Variants in ANO4 observed in about 807,000 individuals in gnomAD.
The protein encoded by ANO4 is anoctamin 4.
ANO4 carries 69 observed loss-of-function variants against 141.9 expected under a neutral mutation model. That is an observed-to-expected ratio of 0.49 (90% CI 0.40 to 0.59). The LOEUF is 0.59. ANO4 is among the 20% of genes least tolerant of loss of function. The pLI, the probability that ANO4 is intolerant of heterozygous loss-of-function variation, is 0.00. For missense variants in ANO4, 894 were observed against 1,162.2 expected (o/e 0.77, Z 3.36); for synonymous variants, 350 against 394.3 (o/e 0.89, Z 1.33).
intron 7 of ANO4, among the ~76,000 whole-genome samples, chr12:100,979,895 C>CTTTTTTTTTTT (rs71091474): frequency 8.4e-6 from 1 of 119,420 alleles, no homozygotes; most frequent in African/African-American, 3.1e-5. Context: ...GCCCAGCTGA[C>CTTTTTTTTTTT]TTTTTTTTTT....
chr12:100,738,548 A>G (rs2031707660), intron 2 of ANO4, among the ~76,000 whole-genome samples: 1 of 152,200 alleles, frequency 6.6e-6, no homozygotes. Context: ...TAAATTAGCT[A>G]TAATTTTATA....
At chr12:101,060,760 C>T (rs958466664) in intron 14 of ANO4, among the ~76,000 whole-genome samples, 5 of 151,910 alleles carry the variant, frequency 3.3e-5, no homozygotes, top group African/African-American at 4.8e-5. Flanking sequence ...TTATTTTGAG[C>T]GCATGTATGT....
intron 19 of ANO4, among the ~76,000 whole-genome samples, chr12:101,097,040 G>T (rs969835560): frequency 1.3e-5 from 2 of 152,078 alleles, no homozygotes; most frequent in Admixed American, 1.3e-4. Context: ...AGGACATCCT[G>T]ACAGGAAAGG....
At chr12:101,074,766 G>A (rs2048958299) in intron 14 of ANO4, among the ~76,000 whole-genome samples, 1 of 152,174 alleles carries the variant, frequency 6.6e-6, no homozygotes, top group Non-Finnish European at 1.5e-5. Flanking sequence ...AGAAAGTGTA[G>A]CTGCATATTC....
At chr12:101,055,230 T>C (rs1336349301) in intron 14 of ANO4, among the ~76,000 whole-genome samples, 2 of 152,234 alleles carry the variant, frequency 1.3e-5, no homozygotes, top group South Asian at 2.1e-4. Context: ...ATGTGATAAG[T>C]GAATGCCTAA....
intron 5 of ANO4, among the ~76,000 whole-genome samples, chr12:100,945,601 A>G (rs76867833): frequency 0.039 from 5,886 of 152,188 alleles, 160 homozygotes; most frequent in Non-Finnish European, 0.056. Context: ...TGATCTTTGG[A>G]TACCTATTTT....
At chr12:101,088,158 T>C (rs2049585026) in intron 17 of ANO4, among the ~76,000 whole-genome samples, 1 of 152,176 alleles carries the variant, frequency 6.6e-6, no homozygotes, top group Non-Finnish European at 1.5e-5. Flanking sequence ...TTTCTTTTAC[T>C]CACTGTGATT....
chr12:100,769,607 A>C (rs188395579), intron 3 of ANO4, among the ~76,000 whole-genome samples: 1 of 152,244 alleles, frequency 6.6e-6, no homozygotes, highest in African/African-American at 2.4e-5. Flanking sequence ...TTATTACAGA[A>C]GGGCAGGTCA....
intron 1 of ANO4, among the ~76,000 whole-genome samples, chr12:100,809,120 G>T (rs1242406978): frequency 6.6e-6 from 1 of 152,106 alleles, no homozygotes; most frequent in Non-Finnish European, 1.5e-5. Flanking sequence ...ATAATATAAG[G>T]TAATGTGCTT....
rs900020451 is a variant in ANO4 at position 101,086,640 on chromosome 12, G to A, written c.1537-20G>A. 2.5e-6 allele frequency: 4 copies of A among 1,612,756 alleles called. No individual in the cohort carries two copies. The highest frequency in any genetic ancestry group is 3.4e-6 in the Non-Finnish European group (4 of 1,179,548). ...AACATTCCACCAAGAGGTTCACCGG[G>A]TGTCTTGTCTTCCTGCCAGATCTGC... is the stretch of plus-strand genomic sequence containing the variant. On this transcript the variant is annotated intron_variant, in intron 16 of 27. Transcript: ENST00000392977.
chr12:100,918,533 A>G (rs894562069), intron 2 of ANO4, among the ~76,000 whole-genome samples: 3 of 152,146 alleles, frequency 2.0e-5, no homozygotes, highest in African/African-American at 7.2e-5. Context: ...GTGATGGACC[A>G]CATAAACCAT....
chr12:101,073,234 A>G (rs531604888), intron 14 of ANO4, among the ~76,000 whole-genome samples: 1 of 152,306 alleles, frequency 6.6e-6, no homozygotes, highest in African/African-American at 2.4e-5. Flanking sequence ...ATGGCATACT[A>G]TGCAGCCATA....
intron 3 of ANO4, among the ~76,000 whole-genome samples, chr12:100,772,025 G>A (rs1012789079): frequency 1.3e-5 from 2 of 152,168 alleles, no homozygotes; most frequent in African/African-American, 2.4e-5. Flanking sequence ...GACCTTCAGT[G>A]GGAAACTGAC....
At chr12:101,054,555 A>G (rs753380940) in intron 14 of ANO4, among the ~76,000 whole-genome samples, 34 of 152,228 alleles carry the variant, frequency 2.2e-4, no homozygotes, top group Non-Finnish European at 4.4e-4. Context: ...GCTGGAGTGC[A>G]GTGGCACAAT....
intron 1 of ANO4, among the ~76,000 whole-genome samples, chr12:100,822,553 C>T (rs2036111985): frequency 6.6e-6 from 1 of 151,692 alleles, no homozygotes; most frequent in Non-Finnish European, 1.5e-5. Context: ...ACGCACAGGG[C>T]GAGACAGAAA....
chr12:101,072,068 G>T (rs538530122), intron 14 of ANO4, among the ~76,000 whole-genome samples: 1 of 152,124 alleles, frequency 6.6e-6, no homozygotes, highest in African/African-American at 2.4e-5. Context: ...AGTAAAGTTA[G>T]CTGCTATAAT....
chr12:100,980,978 T>C (rs949542139), intron 7 of ANO4, among the ~76,000 whole-genome samples: 17 of 152,138 alleles, frequency 1.1e-4, no homozygotes, highest in Non-Finnish European at 2.1e-4. Context: ...TATGGGTGGC[T>C]TGTAGGTGGA....
At chr12:101,026,486 CA>C (rs955594102) in intron 9 of ANO4, among the ~76,000 whole-genome samples, 38 of 152,030 alleles carry the variant, frequency 2.5e-4, no homozygotes, top group African/African-American at 8.9e-4. Flanking sequence ...ACAATCCAGT[CA>C]AATTCCCAGA....
intron 8 of ANO4, among the ~76,000 whole-genome samples, chr12:100,991,720 C>G (rs968996371): frequency 1.3e-5 from 2 of 152,086 alleles, no homozygotes; most frequent in East Asian, 3.8e-4. Context: ...AGTCTAGAGA[C>G]TCCTTGAAAG....
Sources: gnomAD v4.1 joint callset for allele counts (sites outside exome capture counted in the v4.1 genomes callset) on GRCh38, gnomAD v4.1.1 for gene constraint, MANE v1.5 for transcripts, NCBI Gene and HGNC (gene_info 2026-07-23, HGNC 2026-07-21) for gene names.